Variants in COL26A1 observed in about 807,000 individuals in gnomAD.
COL26A1 encodes the protein collagen type XXVI alpha 1 chain.
COL26A1 carries 41 observed loss-of-function variants against 59.3 expected under a neutral mutation model. The ratio of observed to expected loss-of-function variants is 0.69; its 90% CI spans 0.54 to 0.90. The LOEUF (loss-of-function observed/expected upper bound fraction) is 0.90. COL26A1 is among the 40% of genes least tolerant of loss of function. The pLI, the probability that COL26A1 is intolerant of heterozygous loss-of-function variation, is 0.00. For missense variants in COL26A1, 612 were observed against 602.3 expected (o/e 1.02, Z -0.17); for synonymous variants, 266 against 256.0 (o/e 1.04, Z -0.37).
chr7:101,430,988 G>A (rs933480017), intron 2 of COL26A1, among the ~76,000 whole-genome samples: 3 of 151,778 alleles, frequency 2.0e-5, no homozygotes, highest in Admixed American at 6.6e-5. Context: ...TTTTAATAGA[G>A]ATGGGGTTTC....
At chr7:101,499,252 G>C (rs1404511893) in intron 3 of COL26A1, among the ~76,000 whole-genome samples, 2 of 152,130 alleles carry the variant, frequency 1.3e-5, no homozygotes, top group African/African-American at 4.8e-5. Flanking sequence ...ATTTAAAGCT[G>C]AGCACAGGGC....
At chr7:101,368,194 C>T (rs1340105743) in intron 1 of COL26A1, among the ~76,000 whole-genome samples, 3 of 152,218 alleles carry the variant, frequency 2.0e-5, no homozygotes, top group Admixed American at 6.5e-5. Context: ...GGCAGAATTA[C>T]ATCTTGGGTG....
At chr7:101,415,394 T>C (rs1190946744) in intron 1 of COL26A1, among the ~76,000 whole-genome samples, 2 of 152,130 alleles carry the variant, frequency 1.3e-5, no homozygotes, top group Non-Finnish European at 2.9e-5. Context: ...CTTCAGATGA[T>C]CTACCCGCCT....
rs150820078 is a variant in COL26A1 at position 101,473,608 on chromosome 7, CCACACACACACACACACACA to C, written c.385+25848_385+25867del. 1.3e-3 allele frequency among the ~76,000 whole-genome samples: 186 copies of C among 143,388 alleles called. 1 individual carries two copies. Among genetic ancestry groups the C allele is most frequent in the South Asian group, 6.4e-3 (28 of 4,388 alleles). 94.1% of individuals were successfully genotyped at this position (143,388 alleles called of 152,430 possible). A position where few individuals can be genotyped will look rare whatever the true frequency, so the allele number is the denominator to read the frequency against. On this transcript the variant is annotated intron_variant, in intron 3 of 12. Coordinates refer to ENST00000313669, the MANE Select transcript of COL26A1 (RefSeq NM_001278563.3). The stretch of plus-strand genomic sequence containing the variant: ...CAGGCAACAGAGCAACACCTTGTCT[CCACACACACACACACACACA>C]CACACACACACACACACACACACAC...
intron 2 of COL26A1, among the ~76,000 whole-genome samples, chr7:101,446,065 A>AAAAAAAAAAAAAAAAAAAAAC (rs1793187717): frequency 2.0e-5 from 3 of 150,550 alleles, no homozygotes; most frequent in Non-Finnish European, 4.4e-5. Flanking sequence ...AAAAAAAAAA[A>AAAAAAAAAAAAAAAAAAAAAC]AAAAAGACAG....
intron 1 of COL26A1, among the ~76,000 whole-genome samples, chr7:101,390,316 T>C (rs1477630309): frequency 6.6e-6 from 1 of 151,812 alleles, no homozygotes; most frequent in Non-Finnish European, 1.5e-5. Flanking sequence ...CCACCTGTAA[T>C]GGGGTTTCAC....
At chr7:101,434,774 G>C (rs13238748) in intron 2 of COL26A1, among the ~76,000 whole-genome samples, 72,324 of 152,004 alleles carry the variant, frequency 0.48, 18,053 homozygotes, top group Admixed American at 0.58. Context: ...CCTTACCTGG[G>C]GTTTTGCAGA....
intron 1 of COL26A1, among the ~76,000 whole-genome samples, chr7:101,409,865 A>G (rs1792204478): frequency 6.6e-6 from 1 of 151,948 alleles, no homozygotes; most frequent in Admixed American, 6.6e-5. Flanking sequence ...GGTTCATGCC[A>G]TTCTCCTGTT....
At chr7:101,390,160 T>TTTTG (rs1562959246) in intron 1 of COL26A1, among the ~76,000 whole-genome samples, 14 of 110,522 alleles carry the variant, frequency 1.3e-4, no homozygotes, top group Admixed American at 1.2e-3. Flanking sequence ...TTTTTTTTTT[T>TTTTG]TTTTTTTTTT....
chr7:101,383,312 T>C (rs1294935281), intron 1 of COL26A1, among the ~76,000 whole-genome samples: 6 of 152,076 alleles, frequency 3.9e-5, no homozygotes, highest in Admixed American at 6.6e-5. Context: ...GGTAGTTCTC[T>C]AGGGTTTTTG....
intron 2 of COL26A1, among the ~76,000 whole-genome samples, chr7:101,426,512 C>G (rs534207086): frequency 6.6e-6 from 1 of 152,272 alleles, no homozygotes; most frequent in East Asian, 1.9e-4. Context: ...ACGTCTCACA[C>G]CACAGTGTCC....
At chr7:101,430,187 T>G (rs530166786) in intron 2 of COL26A1, among the ~76,000 whole-genome samples, 1 of 152,168 alleles carries the variant, frequency 6.6e-6, no homozygotes, top group Non-Finnish European at 1.5e-5. Flanking sequence ...CTTATTTTGT[T>G]AGATTCATAC....
chr7:101,489,065 C>G (rs1008880067), intron 3 of COL26A1, among the ~76,000 whole-genome samples: 2 of 152,202 alleles, frequency 1.3e-5, no homozygotes, highest in Non-Finnish European at 2.9e-5. Context: ...ACGAATTTGC[C>G]TTTGAACCGC....
At chr7:101,387,397 TC>T (rs1474000472) in intron 1 of COL26A1, among the ~76,000 whole-genome samples, 2 of 151,736 alleles carry the variant, frequency 1.3e-5, no homozygotes, top group East Asian at 3.9e-4. Flanking sequence ...GTTTATTTTT[TC>T]CCCCTTGATT....
chr7:101,510,799 C>T (rs972397686), intron 3 of COL26A1, among the ~76,000 whole-genome samples: 3 of 152,074 alleles, frequency 2.0e-5, no homozygotes, highest in South Asian at 4.1e-4. Context: ...GGATTACAGG[C>T]GTGAGCCACT....
intron 2 of COL26A1, among the ~76,000 whole-genome samples, chr7:101,434,411 G>A (rs1296434376): frequency 1.3e-5 from 2 of 151,564 alleles, no homozygotes; most frequent in East Asian, 1.9e-4. Context: ...ACGCCACCAC[G>A]CTTGGTTAAT....
intron 3 of COL26A1, among the ~76,000 whole-genome samples, chr7:101,463,105 A>C (rs148409925): frequency 6.6e-6 from 1 of 152,290 alleles, no homozygotes; most frequent in African/African-American, 2.4e-5. Flanking sequence ...ACCTAAGCTT[A>C]CCTTCTCTAA....
intron 1 of COL26A1, among the ~76,000 whole-genome samples, chr7:101,400,998 G>A (rs557204486): frequency 2.3e-4 from 35 of 152,324 alleles, no homozygotes; most frequent in Non-Finnish European, 4.9e-4. Flanking sequence ...GCAGTTACAC[G>A]GGTCAGGTGG....
intron 3 of COL26A1, among the ~76,000 whole-genome samples, chr7:101,514,760 A>G (rs35628669): frequency 0.18 from 27,996 of 152,180 alleles, 3,032 homozygotes; most frequent in African/African-American, 0.3. Context: ...GTAACCGGGC[A>G]AGGCTGCCCT....
Sources: gnomAD v4.1 joint callset for allele counts (sites outside exome capture counted in the v4.1 genomes callset) on GRCh38, gnomAD v4.1.1 for gene constraint, MANE v1.5 for transcripts, NCBI Gene and HGNC (gene_info 2026-07-23, HGNC 2026-07-21) for gene names.